Variants in GADL1 observed in about 807,000 individuals in gnomAD.
GADL1 encodes acidic amino acid decarboxylase GADL1.
GADL1 carries 71 observed loss-of-function variants against 69.5 expected under a neutral mutation model. That is an observed-to-expected ratio of 1.02 (90% confidence interval 0.84 to 1.25). The LOEUF is 1.25. Ranked by LOEUF, GADL1 falls within the 50% of genes most tolerant of loss-of-function variation. The pLI is 0.00. For missense variants in GADL1, 737 were observed against 631.8 expected (o/e 1.17, Z -1.79); for synonymous variants, 254 against 214.4 (o/e 1.18, Z -1.62).
chr3:30,744,926 G>A lies in GADL1; in HGVS notation c.1393-16511C>T, dbSNP rs530465333. 3.1e-4 allele frequency among the ~76,000 whole-genome samples: 47 copies of A among 152,252 alleles called. No individual in the cohort carries two copies. In the South Asian group the frequency reaches 5.6e-3, roughly 18 times the overall value. ...ACCCTTGTTGTAGAATAAGAAACAC[G>A]AACAGCGGCGAACGAAATCTAAATA... On this transcript the variant is annotated intron_variant, in intron 14 of 14. Coordinates refer to ENST00000282538, the MANE Select transcript of GADL1 (RefSeq NM_207359.3).
At chr3:30,786,836 A>G (rs1696801149) in intron 12 of GADL1, among the ~76,000 whole-genome samples, 1 of 152,200 alleles carries the variant, frequency 6.6e-6, no homozygotes, top group Non-Finnish European at 1.5e-5. Flanking sequence ...AGTTCACTTA[A>G]AATCAAGAAA....
At chr3:30,842,611 TATTCCCCACCAACAA>T (rs1697985899) in intron 8 of GADL1, among the ~76,000 whole-genome samples, 1 of 152,054 alleles carries the variant, frequency 6.6e-6, no homozygotes, top group East Asian at 1.9e-4. Context: ...ACACAATTAA[TATTCCCCACCAACAA>T]GCATTAACAA....
chr3:30,734,859 A>G (rs934697634), intron 14 of GADL1, among the ~76,000 whole-genome samples: 1 of 152,174 alleles, frequency 6.6e-6, no homozygotes, highest in African/African-American at 2.4e-5. Context: ...CTTTCATCAT[A>G]TAGTCAATTT....
chr3:30,891,305 G>C (rs1291771372), intron 1 of GADL1, among the ~76,000 whole-genome samples: 20 of 152,150 alleles, frequency 1.3e-4, no homozygotes. Context: ...GGGGCAGTGA[G>C]CTGCCTCCTC....
chr3:30,857,223 T>C, intron 2 of GADL1, 82 bp from the exon 3 acceptor site: 1 of 1,204,836 alleles, frequency 8.3e-7, no homozygotes, highest in Non-Finnish European at 1.2e-6. Context: ...ACTCTACCAT[T>C]ACAAAGCTTC....
intron 14 of GADL1, among the ~76,000 whole-genome samples, chr3:30,740,411 T>C (rs1695600121): frequency 6.6e-6 from 1 of 152,142 alleles, no homozygotes; most frequent in African/African-American, 2.4e-5. Context: ...GGGGAAGTTG[T>C]GAGAAAGGTC....
chr3:30,747,078 C>T (rs1051370941), intron 14 of GADL1, among the ~76,000 whole-genome samples: 2 of 152,150 alleles, frequency 1.3e-5, no homozygotes, highest in African/African-American at 4.8e-5. Context: ...CTGTCAGGTT[C>T]CTGCGTTTTT....
At chr3:30,825,181 T>C (rs966354309) in intron 11 of GADL1, among the ~76,000 whole-genome samples, 5 of 151,908 alleles carry the variant, frequency 3.3e-5, no homozygotes, top group African/African-American at 1.2e-4. Context: ...AAGACCAGGG[T>C]ACCACTTTTA....
intron 11 of GADL1, among the ~76,000 whole-genome samples, chr3:30,817,962 C>A (rs1697503254): frequency 6.6e-6 from 1 of 152,140 alleles, no homozygotes; most frequent in Admixed American, 6.5e-5. Flanking sequence ...ACGGAAGATA[C>A]AATTCTTGTT....
At chr3:30,797,445 A>G (rs1697060318) in intron 12 of GADL1, among the ~76,000 whole-genome samples, 1 of 152,206 alleles carries the variant, frequency 6.6e-6, no homozygotes, top group Non-Finnish European at 1.5e-5. Context: ...CATGTAGGAC[A>G]TCCCAGGCAT....
At chr3:30,732,498 A>G (rs1027656224) in intron 14 of GADL1, among the ~76,000 whole-genome samples, 3 of 152,160 alleles carry the variant, frequency 2.0e-5, no homozygotes, top group Non-Finnish European at 4.4e-5. Flanking sequence ...ATGTTCCATC[A>G]GTGATTTAGT....
chr3:30,833,771 G>A, intron 11 of GADL1, 82 bp downstream of exon 11: 1 of 930,452 alleles, frequency 1.1e-6, no homozygotes, highest in Non-Finnish European at 1.8e-6. Flanking sequence ...AAGTCACCAA[G>A]AGATGAGCAA....
chr3:30,761,438 A>G (rs1696129327), intron 14 of GADL1, among the ~76,000 whole-genome samples: 1 of 151,772 alleles, frequency 6.6e-6, no homozygotes, highest in South Asian at 2.1e-4. Context: ...GCGCACACAC[A>G]TTTTCGCAGT....
intron 6 of GADL1, among the ~76,000 whole-genome samples, chr3:30,847,212 A>G (rs1221137714): frequency 2.0e-5 from 3 of 152,228 alleles, no homozygotes; most frequent in Non-Finnish European, 4.4e-5. Flanking sequence ...AACCTTGGAT[A>G]TATTGACAGT....
intron 14 of GADL1, among the ~76,000 whole-genome samples, chr3:30,765,145 C>T (rs953703364): frequency 2.0e-5 from 3 of 152,144 alleles, no homozygotes; most frequent in African/African-American, 4.8e-5. Context: ...TCAAAGGCAA[C>T]ATTAGAAGAG....
At position 30,850,103 on chromosome 3, in the gene GADL1, C is replaced by T. The variant is rs1389303289; in HGVS notation, c.544G>A (p.Val182Met). 2 of 1,572,248 alleles carry T rather than the reference C, an allele frequency of 1.3e-6. No individual in the cohort carries two copies. The highest frequency in any genetic ancestry group is 3.3e-5 in the Admixed American group (2 of 59,802). Residue 182 changes from valine (V) to methionine (M), a missense_variant, in exon 6 of 15, where the codon GTG becomes ATG. Coordinates refer to ENST00000282538, the MANE Select transcript of GADL1 (RefSeq NM_207359.3). ...AAATTCATTGCATACATATTGGACA[C>T]TGAGCCACCTGCAAAAACAAAATTA... ...GDGIFNPGGS[V>M]SNMYAMNLAR... is the part of the protein sequence containing the mutation.
chr3:30,731,240 G>T (rs552413812), intron 14 of GADL1, among the ~76,000 whole-genome samples: 2 of 152,298 alleles, frequency 1.3e-5, no homozygotes, highest in South Asian at 4.1e-4. Context: ...TCGTCCTCCA[G>T]GTACCCAGGG....
At chr3:30,751,813 T>C (rs11709991) in intron 14 of GADL1, among the ~76,000 whole-genome samples, 37,194 of 152,138 alleles carry the variant, frequency 0.24, 4,917 homozygotes, top group Non-Finnish European at 0.29. Context: ...GAAAGTCCCT[T>C]GGAAAGCTTT....
chr3:30,775,406 CAT>C (rs1157993984), intron 14 of GADL1, among the ~76,000 whole-genome samples: 1 of 152,174 alleles, frequency 6.6e-6, no homozygotes, highest in African/African-American at 2.4e-5. Flanking sequence ...GGTTATAAAT[CAT>C]ATACTTGTAT....
Sources: allele counts gnomAD v4.1 joint callset (sites outside exome capture counted in the v4.1 genomes callset), GRCh38; gene constraint gnomAD v4.1.1; transcripts MANE v1.5; gene names NCBI Gene and HGNC (gene_info 2026-07-23, HGNC 2026-07-21).